Variants in SPMIP6 observed in about 807,000 individuals in gnomAD.
SPMIP6 encodes the protein sperm microtubule inner protein 6, also known as ciliated bronchial epithelial protein 1.
the SPMIP6 span, chr9:34,381,150 A>G: frequency 6.4e-7 from 1 of 1,565,444 alleles, no homozygotes; most frequent in Non-Finnish European, 8.7e-7. This position sits in a 1 kb window ranked among gnomAD's most constrained non-coding sequence, Gnocchi z 4.4. Flanking sequence ...GCGGGTCCCC[A>G]GCGCAGGAGA....
At chr9:34,394,546 T>C in the SPMIP6 span, among the ~76,000 whole-genome samples, 1 of 152,204 alleles carries the variant, frequency 6.6e-6, no homozygotes, top group African/African-American at 2.4e-5. Context: ...GATTCTGTAA[T>C]ATGGTGGTTT....
chr9:34,381,872 A>G, the SPMIP6 span: 4 of 789,502 alleles, frequency 5.1e-6, no homozygotes, highest in Non-Finnish European at 6.1e-6. This position sits in a 1 kb window ranked among gnomAD's most constrained non-coding sequence, Gnocchi z 4.4. Flanking sequence ...AGGGTCAGCC[A>G]TCAGCCTGCA....
the SPMIP6 span, among the ~76,000 whole-genome samples, chr9:34,387,953 G>C: frequency 6.6e-6 from 1 of 152,158 alleles, no homozygotes; most frequent in Non-Finnish European, 1.5e-5. Flanking sequence ...TAGTGCTGAA[G>C]ATTGCGCTGG....
At chr9:34,387,890 CCTT>C in the SPMIP6 span, among the ~76,000 whole-genome samples, 2 of 152,138 alleles carry the variant, frequency 1.3e-5, no homozygotes, top group Non-Finnish European at 2.9e-5. Context: ...AGAAAAGACT[CCTT>C]CAACCTTTGG....
the SPMIP6 span, chr9:34,381,281 C>A: frequency 1.3e-6 from 2 of 1,599,886 alleles, no homozygotes; most frequent in African/African-American, 1.3e-5. The surrounding 1 kb of genome is among the most constrained non-coding windows in gnomAD (Gnocchi z 4.4). Context: ...GCCTCCTCCC[C>A]GTCCTTCAGG....
the SPMIP6 span, chr9:34,379,582 C>T: frequency 3.7e-5 from 54 of 1,441,264 alleles, 1 homozygote; most frequent in South Asian, 2.9e-4. This position sits in a 1 kb window ranked among gnomAD's most constrained non-coding sequence, Gnocchi z 4.2. Flanking sequence ...ACATCCTCCC[C>T]CAGCCCCGCC....
the SPMIP6 span, among the ~76,000 whole-genome samples, chr9:34,387,572 TCATA>T: frequency 6.6e-6 from 1 of 152,114 alleles, no homozygotes; most frequent in Non-Finnish European, 1.5e-5. Context: ...AGGTGTATAT[TCATA>T]CATACACACT....
the SPMIP6 span, chr9:34,382,561 G>A: frequency 1.7e-6 from 1 of 578,558 alleles, no homozygotes; most frequent in Non-Finnish European, 3.1e-6. Flanking sequence ...CTCCAGCCTG[G>A]GTGATAGAGT....
At chr9:34,392,694 G>C in the SPMIP6 span, among the ~76,000 whole-genome samples, 1 of 152,142 alleles carries the variant, frequency 6.6e-6, no homozygotes, top group Non-Finnish European at 1.5e-5. The surrounding 1 kb of genome is among the most constrained non-coding windows in gnomAD (Gnocchi z 4.6). Context: ...GTCAGTGGCT[G>C]GCATCAGGAA....
the SPMIP6 span, among the ~76,000 whole-genome samples, chr9:34,394,933 CAT>C: frequency 6.6e-6 from 1 of 151,628 alleles, no homozygotes; most frequent in African/African-American, 2.4e-5. Flanking sequence ...TCTAGACCAC[CAT>C]ACTGCCAAAA....
chr9:34,380,732 T>C, the SPMIP6 span: 120 of 1,548,528 alleles, frequency 7.7e-5, 2 homozygotes, highest in African/African-American at 1.4e-3. Context: ...AGTTCAGGCC[T>C]TGGAGCCCGA....
the SPMIP6 span, chr9:34,397,431 A>T: frequency 3.3e-6 from 5 of 1,505,470 alleles, no homozygotes; most frequent in Admixed American, 1.7e-5. Context: ...CATTACAAAC[A>T]TACATTGCCA....
chr9:34,380,770 C>T, the SPMIP6 span: 2 of 1,541,754 alleles, frequency 1.3e-6, no homozygotes, highest in Non-Finnish European at 1.7e-6. Flanking sequence ...GCCTCGAGAG[C>T]GTGCAGCGCG....
At chr9:34,386,166 C>T in the SPMIP6 span, among the ~76,000 whole-genome samples, 1 of 152,160 alleles carries the variant, frequency 6.6e-6, no homozygotes, top group Non-Finnish European at 1.5e-5. Flanking sequence ...AACAGTGCAT[C>T]AGGCCCCAGT....
chr9:34,384,485 C>T, the SPMIP6 span, among the ~76,000 whole-genome samples: 22 of 152,190 alleles, frequency 1.4e-4, no homozygotes, highest in African/African-American at 4.6e-4. Flanking sequence ...AACAACAAAA[C>T]GAGTAGAGAG....
At chr9:34,397,626 A>G in the SPMIP6 span, 1 of 1,604,008 alleles carries the variant, frequency 6.2e-7, no homozygotes, top group South Asian at 1.1e-5. Flanking sequence ...ACGGGAGAAC[A>G]GGAACATGGT....
the SPMIP6 span, chr9:34,385,692 C>T: frequency 5.0e-6 from 8 of 1,613,834 alleles, no homozygotes; most frequent in Non-Finnish European, 6.8e-6. Context: ...CTGATATGGA[C>T]CCCCTATAAG....
the SPMIP6 span, chr9:34,380,995 G>T: frequency 6.2e-7 from 1 of 1,609,708 alleles, no homozygotes; most frequent in Admixed American, 1.7e-5. Flanking sequence ...AGTAGTGGCG[G>T]CCCGAGCAAG....
At chr9:34,380,584 G>A in the SPMIP6 span, 1 of 1,413,464 alleles carries the variant, frequency 7.1e-7, no homozygotes, top group Non-Finnish European at 9.3e-7. Flanking sequence ...CTGATGTGCG[G>A]GGTTTCTTCC....
Sources: allele counts gnomAD v4.1 joint callset (sites outside exome capture counted in the v4.1 genomes callset), GRCh38; gene constraint gnomAD v4.1.1; non-coding constraint Gnocchi (gnomAD v3.1); transcripts MANE v1.5; gene names NCBI Gene and HGNC (gene_info 2026-07-23, HGNC 2026-07-21).